Variants in VCAN observed in about 807,000 individuals in gnomAD.
VCAN encodes the protein versican, also known as versican core protein.
VCAN carries 44 observed loss-of-function variants against 245.5 expected under a neutral mutation model. That is an observed-to-expected ratio of 0.18 (90% CI 0.14 to 0.23). VCAN has a LOEUF of 0.23. VCAN is among the 10% of genes least tolerant of loss of function. The probability of loss-of-function intolerance (pLI) is 1.00; values close to 1 mark genes in which losing one functional copy is unlikely to be tolerated. For synonymous variants in VCAN, 1,413 were observed against 1,437.0 expected (o/e 0.98, Z 0.38); for missense variants, 3,793 against 4,057.9 (o/e 0.93, Z 1.77).
In VCAN at chr5:83,521,586, C is replaced by T. The variant is rs140933632; in HGVS notation, c.3280C>T (p.Pro1094Ser). The change falls in exon 7 of 15, where the codon CCA becomes TCA. Residue 1094 changes from proline to serine, a missense_variant. Pro to Ser is a moderately conservative substitution (Grantham distance 74, BLOSUM62 -1). Transcript: ENST00000265077. ...GAGGGTCCCAGTTTTAGAAACAACT[C>T]CAGTTGGAAAAATTGATCACAGTGT... Reference protein sequence around the residue: ...SERVPVLETTPVGKIDHSVSY... With the variant: ...SERVPVLETTSVGKIDHSVSY... 6.2e-6 allele frequency: 10 copies of T among 1,614,006 alleles called. No homozygotes were observed. The highest frequency in any genetic ancestry group is 8.5e-6 in the Non-Finnish European group (10 of 1,179,996).
chr5:83,537,765 C>A lies in VCAN; in HGVS notation c.4762C>A (p.Pro1588Thr), dbSNP rs151102598. 2.0e-4 allele frequency: 322 copies of A among 1,613,954 alleles called. No homozygotes were observed. In the East Asian group the frequency reaches 4.6e-3, roughly 23 times the overall value. Reference sequence around the variant, plus strand: ...TGTCACATACACTCCCACTATAGTTCCAAGTTCTGCATCAGCATATGTTTC... The same window carrying A: ...TGTCACATACACTCCCACTATAGTTACAAGTTCTGCATCAGCATATGTTTC... ...TSVTYTPTIV[P>T]SSASAYVSEE... Residue 1588 changes from proline to threonine, a missense_variant, in exon 8 of 15, where the codon CCA becomes ACA. This residue lies in a region of VCAN where 3,182 missense variants were observed against 3,250.3 expected (regional missense o/e 0.98). Transcript: ENST00000265077.
chr5:83,514,828 T>C (rs1198625085), intron 6 of VCAN, among the ~76,000 whole-genome samples: 1 of 152,192 alleles, frequency 6.6e-6, no homozygotes, highest in African/African-American at 2.4e-5. Flanking sequence ...CTTTCCCACA[T>C]AGTCAAGTAG....
At chr5:83,485,965 G>A (rs899512767) in intron 2 of VCAN, among the ~76,000 whole-genome samples, 2 of 151,998 alleles carry the variant, frequency 1.3e-5, no homozygotes, top group Non-Finnish European at 2.9e-5. Flanking sequence ...GCCGGGGGTG[G>A]TGGCTTGGGC....
Position 83,538,985 on chromosome 5 carries a change from C to G in VCAN, c.5982C>G (p.Val1994=), listed in dbSNP as rs371115077. The G allele has an allele frequency of 4.3e-6, 7 of 1,613,906 alleles. No individual in the cohort carries two copies. The highest frequency in any genetic ancestry group is 5.9e-6 in the Non-Finnish European group (7 of 1,179,976). ...CAGAAGGACCCAGTAGCACCATGGT[C>G]AGCACTTCAGCCTTCCCCTGGGAAG... ...SDSEGPSSTM[V]STSAFPWEEF... Residue 1994 remains valine, a synonymous_variant, in exon 8 of 15, where the codon GTC becomes GTG. Coordinates refer to ENST00000265077, the MANE Select transcript of VCAN (RefSeq NM_004385.5).
At position 83,540,085 on chromosome 5, in the gene VCAN, A is replaced by T; in HGVS notation, c.7082A>T (p.Gln2361Leu). 3 of 1,614,038 alleles carry T rather than the reference A, an allele frequency of 1.9e-6. No individual in the cohort carries two copies. The highest frequency in any genetic ancestry group is 1.7e-5 in the Admixed American group (1 of 59,974). Reference protein sequence around the residue: ...FSTDIGHPQNQTVRWAEEIQT... With the variant: ...FSTDIGHPQNLTVRWAEEIQT... ...ACGGACATCGGACATCCTCAAAATC[A>T]GACTGTCAGGTGGGCAGAAGAAATC... The change falls in exon 8 of 15, where the codon CAG becomes CTG. Residue 2361 changes from glutamine to leucine, a missense_variant. This residue lies in a region of VCAN where 3,182 missense variants were observed against 3,250.3 expected (regional missense o/e 0.98). Coordinates refer to ENST00000265077, the MANE Select transcript of VCAN (RefSeq NM_004385.5).
At chr5:83,514,428 A>ATG (rs57400723) in intron 6 of VCAN, among the ~76,000 whole-genome samples, 60,456 of 144,952 alleles carry the variant, frequency 0.42, 13,438 homozygotes, top group East Asian at 0.69. Context: ...TTTAGTGTAT[A>ATG]TGTGTGTGTG....
intron 10 of VCAN, among the ~76,000 whole-genome samples, chr5:83,551,039 C>T (rs895319943): frequency 5.4e-4 from 82 of 151,048 alleles, no homozygotes; most frequent in African/African-American, 6.8e-4. Context: ...TGCATTTTCC[C>T]AGTTTGGTTT....
Position 83,519,701 on chromosome 5 carries a change from C to T in VCAN, c.1395C>T (p.Gly465=), listed in dbSNP as rs772684866. 82 of 1,613,974 alleles carry T rather than the reference C, an allele frequency of 5.1e-5. No homozygotes were observed. The highest frequency in any genetic ancestry group is 6.3e-5 in the Non-Finnish European group (74 of 1,179,992). ...AAGAAGTGCTCCAGAGTACAACTGG[C>T]GTCTCTCATTATGCTACGGATTCAT... ...IKEEVLQSTT[G]VSHYATDSWD... is the part of the protein sequence containing the mutation. The change falls in exon 7 of 15, where the codon GGC becomes GGT. Residue 465 remains glycine (G), a synonymous_variant. Coordinates refer to ENST00000265077, the MANE Select transcript of VCAN (RefSeq NM_004385.5).
chr5:83,513,991 G>A (rs1309833164), intron 6 of VCAN, among the ~76,000 whole-genome samples: 3 of 151,864 alleles, frequency 2.0e-5, no homozygotes, highest in African/African-American at 7.3e-5. Flanking sequence ...GTCTCTCTGT[G>A]GGTAAAATTT....
At chr5:83,564,812 C>A (rs1213173534) in intron 12 of VCAN, among the ~76,000 whole-genome samples, 1 of 150,092 alleles carries the variant, frequency 6.7e-6, no homozygotes, top group East Asian at 1.9e-4. Context: ...GTTCTCCCAA[C>A]AATTAAAATA....
intron 12 of VCAN, among the ~76,000 whole-genome samples, chr5:83,566,176 G>A (rs778020595): frequency 2.6e-5 from 4 of 151,862 alleles, no homozygotes; most frequent in East Asian, 3.9e-4. Context: ...GGCCAGGCTG[G>A]TCTTGAACTC....
chr5:83,530,333 TTTG>T lies in VCAN; in HGVS notation c.4004-6666_4004-6664del, dbSNP rs1294232630. Among the ~76,000 whole-genome samples, 3 of 152,282 alleles carry T rather than the reference TTTG, an allele frequency of 2.0e-5. No homozygotes were observed. The East Asian group carries it at 5.8e-4, about 29-fold the overall frequency. Reference sequence around the variant, plus strand: ...ATGAATGGACATTCCCTGCTGTCTTTTTGTTGTTGTCAAGGAAACCCCCAGTTC... The same window carrying T: ...ATGAATGGACATTCCCTGCTGTCTTTTTGTTGTCAAGGAAACCCCCAGTTC... On this transcript the variant is annotated intron_variant, in intron 7 of 14. Transcript: ENST00000265077.
intron 6 of VCAN, among the ~76,000 whole-genome samples, chr5:83,514,424 GTA>G (rs1168295866): frequency 4.5e-4 from 58 of 129,894 alleles, no homozygotes; most frequent in African/African-American, 1.7e-3. Context: ...ATTTTTTAGT[GTA>G]TATGTGTGTG....
At chr5:83,575,683 C>T (rs1415602402) in intron 13 of VCAN, among the ~76,000 whole-genome samples, 2 of 152,148 alleles carry the variant, frequency 1.3e-5, no homozygotes, top group Non-Finnish European at 2.9e-5. Flanking sequence ...ACCTTTACAT[C>T]CTTTCTGCAT....
chr5:83,574,746 A>G (rs75913244), intron 13 of VCAN, among the ~76,000 whole-genome samples: 2,107 of 152,286 alleles, frequency 0.014, 47 homozygotes, highest in African/African-American at 0.049. Context: ...TTATGCTTAT[A>G]AACTATGGAT....
chr5:83,544,735 T>C (rs1240607868), intron 8 of VCAN, among the ~76,000 whole-genome samples: 3 of 152,318 alleles, frequency 2.0e-5, no homozygotes, highest in Middle Eastern at 3.4e-3. Context: ...AATATATGCT[T>C]CAAGTGGTGT....
rs772855411 is a variant in VCAN at position 83,537,132 on chromosome 5, G to T, written c.4129G>T (p.Asp1377Tyr). ...GGCTGAAATTTTACCTGAATTCCCT[G>T]ACATAATTGAAATAGACCTATACCA... ...LMAEILPEFPDIIEIDLYHSE... is the reference protein window; with the variant it reads ...LMAEILPEFPYIIEIDLYHSE... Residue 1377 changes from aspartate to tyrosine, a missense_variant, in exon 8 of 15, where the codon GAC becomes TAC. Around this residue, in one of 5 missense-constraint regions of VCAN, gnomAD observed 3,182 missense variants for 3,250.3 expected, o/e 0.98. Transcript: ENST00000265077. 3.1e-6 allele frequency: 5 copies of T among 1,613,760 alleles called. No homozygotes were observed. In the Admixed American group the frequency reaches 8.3e-5, roughly 27 times the overall value.
At chr5:83,547,065 A>C (rs1372941930) in intron 9 of VCAN, among the ~76,000 whole-genome samples, 1 of 152,162 alleles carries the variant, frequency 6.6e-6, no homozygotes, top group Non-Finnish European at 1.5e-5. Flanking sequence ...CAGAGGCCAA[A>C]AACTACAGAA....
At position 83,500,965 on chromosome 5, in the gene VCAN, T is replaced by G. The variant is rs77689683; in HGVS notation, c.748+7034T>G. The stretch of plus-strand genomic sequence containing the variant: ...GGGTCCTGATTCCTCCACAGTCTTG[T>G]CAACACTTGCTATTATCTGACCTTT... On this transcript the variant is annotated intron_variant, in intron 5 of 14. Coordinates refer to ENST00000265077, the MANE Select transcript of VCAN (RefSeq NM_004385.5). Among the ~76,000 whole-genome samples, 483 of 152,280 alleles carry G rather than the reference T, an allele frequency of 3.2e-3. 2 individuals are homozygous for G. The Middle Eastern group carries it at 0.034, about 11-fold the overall frequency.
Sources: gnomAD v4.1 joint callset for allele counts (sites outside exome capture counted in the v4.1 genomes callset) on GRCh38, gnomAD v4.1.1 for gene constraint, gnomAD v4.1.1 regional missense constraint, MANE v1.5 for transcripts, NCBI Gene and HGNC (gene_info 2026-07-23, HGNC 2026-07-21) for gene names.